PTPRF: variants seen among roughly 807,000 people sequenced by gnomAD.
PTPRF encodes protein tyrosine phosphatase receptor type F, also known as receptor-type tyrosine-protein phosphatase F.
PTPRF carries 59 observed loss-of-function variants against 201.8 expected under a neutral mutation model. The observed-to-expected ratio is 0.29, with a 90% CI of 0.24 to 0.36. PTPRF has a LOEUF of 0.36. PTPRF is among the 10% of genes least tolerant of loss of function. The probability of loss-of-function intolerance (pLI) is 1.00; values close to 1 mark genes in which losing one functional copy is unlikely to be tolerated. For missense variants in PTPRF, 2,132 were observed against 2,690.5 expected, an observed-to-expected ratio of 0.79 and a Z score of 4.59; for synonymous variants, 1,088 against 1,089.7, an observed-to-expected ratio of 1.00 and a Z score of 0.03.
Position 43,536,196 on chromosome 1 carries a change from G to C in PTPRF, c.-125-2002G>C, listed in dbSNP as rs575221677. ...TATCTGGTTGTCCTGGTTGTTCTGG[G>C]CTCTGTCCCAGTGTGAGTGTAGAGT... On this transcript the variant is annotated intron_variant, in intron 1 of 33. Transcript: ENST00000359947. 1.7e-3 allele frequency among the ~76,000 whole-genome samples: 262 copies of C among 152,274 alleles called. 1 individual carries two copies. Among genetic ancestry groups the C allele is most frequent in the Non-Finnish European group, 2.1e-3 (146 of 68,026 alleles).
intron 2 of PTPRF, among the ~76,000 whole-genome samples, chr1:43,543,332 T>C (rs952683238): frequency 6.6e-6 from 1 of 152,246 alleles, no homozygotes; most frequent in Non-Finnish European, 1.5e-5. Context: ...GCAGGCGTCA[T>C]TGTGGTCTCA....
chr1:43,615,563 T>TC (rs1414717877), intron 23 of PTPRF, among the ~76,000 whole-genome samples: 241 of 63,324 alleles, frequency 3.8e-3, no homozygotes, highest in African/African-American at 0.013. Context: ...TTTTTTTTTT[T>TC]TTTTTTTTTT....
At chr1:43,548,682 G>A (rs1195964307) in intron 3 of PTPRF, among the ~76,000 whole-genome samples, 3 of 152,150 alleles carry the variant, frequency 2.0e-5, no homozygotes, top group Non-Finnish European at 2.9e-5. Context: ...CTGGGAACCA[G>A]GCTTGTCTCT....
Position 43,609,489 on chromosome 1 carries a change from C to G in PTPRF, c.3964C>G (p.Gln1322Glu), listed in dbSNP as rs551264881. 1.3e-5 allele frequency: 21 copies of G among 1,613,354 alleles called. No homozygotes were observed. The highest frequency in any genetic ancestry group is 1.8e-5 in the Non-Finnish European group (21 of 1,179,680). ...TGTGGAGATGCGGAGGCTCAACTAC[C>G]AGACCCCAGGTAGGGCACTCCTATG... ...DPVEMRRLNY[Q>E]TPGMRDHPPI... Residue 1322 changes from glutamine to glutamate, a missense_variant, in exon 22 of 34, where the codon CAG (glutamine) becomes GAG (glutamate). Gln to Glu is a conservative substitution (Grantham distance 29). This residue lies in a region of PTPRF where 818 missense variants were observed against 915.3 expected (regional missense o/e 0.89). Transcript: ENST00000359947.
chr1:43,620,696 G>A lies in PTPRF; in HGVS notation c.5364+117G>A, dbSNP rs376674685. ...AATCTGAGGCGGTGGGTGGGTATTA[G>A]GGTGTGAGCACATCTCCCCCTGTGG... On this transcript the variant is annotated intron_variant, in intron 31 of 33. Transcript: ENST00000359947. The A allele has an allele frequency of 2.7e-4, 410 of 1,532,858 alleles. 4 individuals are homozygous for A. The South Asian group carries it at 4.8e-3, about 18-fold the overall frequency. 95.0% of individuals were successfully genotyped at this position (1,532,858 alleles called of 1,614,324 possible).
intron 16 of PTPRF, 122 bp downstream of exon 16, chr1:43,604,311 C>A: frequency 9.9e-7 from 1 of 1,006,542 alleles, no homozygotes; most frequent in Non-Finnish European, 1.4e-6. Context: ...GACCTCCAAT[C>A]TCTCATGACT....
rs370982565 is a variant in PTPRF at position 43,588,760 on chromosome 1, C to T, written c.709C>T (p.Pro237Ser). The T allele has an allele frequency of 6.2e-7, 1 of 1,613,720 alleles. No homozygotes were observed. The highest frequency in any genetic ancestry group is 1.3e-5 in the African/African-American group (1 of 74,938). ...VRRVAPRFSI[P>S]PSSQEVMPGG... ...CCGCGTGGCTCCTCGTTTCTCCATCCCTCCCAGCAGCCAGGAGGTGATGCC... is the reference window on the plus strand; with the variant it reads ...CCGCGTGGCTCCTCGTTTCTCCATCTCTCCCAGCAGCCAGGAGGTGATGCC... Residue 237 changes from proline to serine, a missense_variant, in exon 8 of 34, where the codon CCT (proline) becomes TCT (serine). Pro to Ser is a moderately conservative substitution (Grantham distance 74, BLOSUM62 -1). This residue lies in a region of PTPRF where 297 missense variants were observed against 454.0 expected (regional missense o/e 0.65). Coordinates refer to ENST00000359947, the MANE Select transcript of PTPRF (RefSeq NM_002840.5). This position sits in a 1 kb window ranked among gnomAD's most constrained non-coding sequence, Gnocchi z 5.3.
In PTPRF at chr1:43,588,479, C is replaced by T. The variant is rs1570362897; in HGVS notation, c.680-252C>T. On this transcript the variant is annotated intron_variant, in intron 7 of 33. Coordinates refer to ENST00000359947, the MANE Select transcript of PTPRF (RefSeq NM_002840.5). The surrounding 1 kb of genome is among the most constrained non-coding windows in gnomAD (Gnocchi z 5.3). ...AGTTTCCTAGGCTATAAAATGGGAG[C>T]TTGGTTGCAAGATCTCTCATTGAGT... 1.3e-5 allele frequency among the ~76,000 whole-genome samples: 2 copies of T among 152,186 alleles called. No individual in the cohort carries two copies. The highest frequency in any genetic ancestry group is 1.3e-4 in the Admixed American group (2 of 15,278).
At chr1:43,531,829 G>GCGTCC (rs369861722) in intron 1 of PTPRF, among the ~76,000 whole-genome samples, 45 of 152,236 alleles carry the variant, frequency 3.0e-4, no homozygotes, top group Middle Eastern at 3.4e-3. Flanking sequence ...TGGCCGCCCC[G>GCGTCC]CGTCCCGTCC....
chr1:43,588,796 G>T lies in PTPRF; in HGVS notation c.745G>T (p.Val249Leu). The change falls in exon 8 of 34, where the codon GTG becomes TTG. Residue 249 changes from valine to leucine, a missense_variant. Val to Leu is a conservative substitution (Grantham distance 32). Coordinates refer to ENST00000359947, the MANE Select transcript of PTPRF (RefSeq NM_002840.5). This position sits in a 1 kb window ranked among gnomAD's most constrained non-coding sequence, Gnocchi z 5.3. ...SSQEVMPGGSVNLTCVAVGAP... is the reference protein window; with the variant it reads ...SSQEVMPGGSLNLTCVAVGAP... Reference sequence around the variant, plus strand: ...CCAGGAGGTGATGCCAGGCGGCAGCGTGAACCTGACATGCGTGGCAGTGGG... The same window carrying T: ...CCAGGAGGTGATGCCAGGCGGCAGCTTGAACCTGACATGCGTGGCAGTGGG... 1.2e-6 allele frequency: 2 copies of T among 1,614,038 alleles called. No homozygotes were observed. Among genetic ancestry groups the T allele is most frequent in the Non-Finnish European group, 1.7e-6 (2 of 1,180,022 alleles).
Position 43,589,217 on chromosome 1 carries a change from C to T in PTPRF, c.949+217C>T, listed in dbSNP as rs74070620. On this transcript the variant is annotated intron_variant, in intron 8 of 33. Coordinates refer to ENST00000359947, the MANE Select transcript of PTPRF (RefSeq NM_002840.5). ...ATAATAGTTAAGGCATATTGAGTTTCTTGGTGGGAGACATCATGCTAGCAA... is the reference window on the plus strand; with the variant it reads ...ATAATAGTTAAGGCATATTGAGTTTTTTGGTGGGAGACATCATGCTAGCAA... Among the ~76,000 whole-genome samples, 681 of 152,094 alleles carry T rather than the reference C, an allele frequency of 4.5e-3. 3 individuals are homozygous for T. The highest frequency in any genetic ancestry group is 0.016 in the African/African-American group (648 of 41,470).
chr1:43,603,887 A>T lies in PTPRF; in HGVS notation c.2735A>T (p.Glu912Val). The change falls in exon 16 of 34, where the codon GAG becomes GTG. Residue 912 changes from glutamate to valine, a missense_variant. Physicochemically the swap from Glu to Val is moderately radical, Grantham distance 121. Around this residue, in one of 6 missense-constraint regions of PTPRF, gnomAD observed 818 missense variants for 915.3 expected, o/e 0.89. Transcript: ENST00000359947. This position sits in a 1 kb window ranked among gnomAD's most constrained non-coding sequence, Gnocchi z 5.8. ...TTCGAGAAGGAGATCAGGACCCCCG[A>T]GGACCTGCCCAGCGGCTTCCCCCAA... ...EEFEKEIRTP[E>V]DLPSGFPQNL... is the part of the protein sequence containing the mutation. 6.2e-7 allele frequency: 1 copy of T among 1,614,088 alleles called. No individual in the cohort carries two copies.
intron 8 of PTPRF, among the ~76,000 whole-genome samples, chr1:43,589,379 G>A (rs1200655573): frequency 6.6e-6 from 1 of 151,976 alleles, no homozygotes; most frequent in East Asian, 1.9e-4. Context: ...AAATGACAGA[G>A]CAGGGACTTA....
chr1:43,620,089 C>T lies in PTPRF; in HGVS notation c.5112-6C>T, dbSNP rs1285801636. 6.2e-7 allele frequency: 1 copy of T among 1,613,960 alleles called. No individual in the cohort carries two copies. Among genetic ancestry groups the T allele is most frequent in the Non-Finnish European group, 8.5e-7 (1 of 1,179,902 alleles). ...TCCAGCATGTCCAGTCTTATGTCCA[C>T]CCCAGACAGCAGAAGGCCTACATAG... On this transcript the variant is annotated splice_region_variant and splice_polypyrimidine_tract_variant and intron_variant, in intron 29 of 33. Transcript: ENST00000359947.
At position 43,568,167 on chromosome 1, in the gene PTPRF, C is replaced by T. The variant is rs143488795; in HGVS notation, c.380-1423C>T. 2.4e-3 allele frequency among the ~76,000 whole-genome samples: 372 copies of T among 152,024 alleles called. 8 individuals are homozygous for T. In the East Asian group the frequency reaches 0.063, roughly 26 times the overall value. ...AAAATTTGCCGGGCGTGGTGGTGGG[C>T]GCTTGTAATCCCAGCTACTCGGGAG... On this transcript the variant is annotated intron_variant, in intron 5 of 33. Coordinates refer to ENST00000359947, the MANE Select transcript of PTPRF (RefSeq NM_002840.5).
intron 19 of PTPRF, 25 bp downstream of exon 19, chr1:43,605,647 C>A: frequency 6.2e-7 from 1 of 1,600,304 alleles, no homozygotes; most frequent in Non-Finnish European, 8.6e-7. Flanking sequence ...GATGGGGACA[C>A]TGACAGCCCC....
At position 43,553,989 on chromosome 1, in the gene PTPRF, G is replaced by T. The variant is rs781170945; in HGVS notation, c.379+48G>T. 8 of 1,605,234 alleles carry T rather than the reference G, an allele frequency of 5.0e-6. No individual in the cohort carries two copies. The African/African-American group carries it at 9.4e-5, about 19-fold the overall frequency. ...ACGGTGGGCTGCCGGGCTGAGGCGTGGGAAGAGCCAGCCAGCCCTGATCCT... is the reference window on the plus strand; with the variant it reads ...ACGGTGGGCTGCCGGGCTGAGGCGTTGGAAGAGCCAGCCAGCCCTGATCCT... On this transcript the variant is annotated intron_variant, in intron 5 of 33. Transcript: ENST00000359947. The surrounding 1 kb of genome is among the most constrained non-coding windows in gnomAD (Gnocchi z 4.1).
intron 13 of PTPRF, among the ~76,000 whole-genome samples, chr1:43,600,904 G>A (rs547579063): frequency 2.6e-4 from 39 of 151,920 alleles, no homozygotes; most frequent in East Asian, 1.9e-4. Context: ...TGCCTCTAGC[G>A]CAGGACAGGG....
intron 3 of PTPRF, among the ~76,000 whole-genome samples, chr1:43,551,455 G>A (rs1645033604): frequency 1.3e-5 from 2 of 152,156 alleles, no homozygotes; most frequent in South Asian, 4.1e-4. Context: ...ACGCTGGGGG[G>A]TTCTGGACCT....
Sources: allele counts gnomAD v4.1 joint callset (sites outside exome capture counted in the v4.1 genomes callset), GRCh38; gene constraint gnomAD v4.1.1; regional missense constraint gnomAD v4.1.1; non-coding constraint Gnocchi (gnomAD v3.1); transcripts MANE v1.5; gene names NCBI Gene and HGNC (gene_info 2026-07-23, HGNC 2026-07-21).